The following EXOC4 variants were observed in gnomAD, a reference collection of about 807,000 sequenced individuals.
The protein encoded by EXOC4 is exocyst complex component 4.
EXOC4 carries 71 observed loss-of-function variants against 107.2 expected under a neutral mutation model. That is an observed-to-expected ratio of 0.66 (90% CI 0.55 to 0.81). EXOC4 has a LOEUF of 0.81. Ranked by LOEUF, EXOC4 falls within the 30% of genes least tolerant of loss-of-function variation. The probability of loss-of-function intolerance (pLI) is 0.00; values close to 1 mark genes in which losing one functional copy is unlikely to be tolerated. For synonymous variants in EXOC4, 456 were observed against 441.2 expected (o/e 1.03, Z -0.42); for missense variants, 1,108 against 1,189.6 (o/e 0.93, Z 1.01).
At chr7:133,630,351 T>A (rs1802560604) in intron 10 of EXOC4, among the ~76,000 whole-genome samples, 1 of 152,118 alleles carries the variant, frequency 6.6e-6, no homozygotes, top group Admixed American at 6.6e-5. Context: ...AATACTTTTA[T>A]TTGATTTTCT....
At chr7:134,081,886 T>C in the EXOC4 span, among the ~76,000 whole-genome samples, 3 of 152,166 alleles carry the variant, frequency 2.0e-5, no homozygotes. Flanking sequence ...GACTTTGAGC[T>C]GAAAGAATAG....
At chr7:133,324,546 C>A (rs1180322780) in intron 5 of EXOC4, among the ~76,000 whole-genome samples, 4 of 152,274 alleles carry the variant, frequency 2.6e-5, no homozygotes, top group African/African-American at 9.6e-5. Context: ...ATCCTGAGTT[C>A]TAATTCGATT....
rs111835792 is a variant in EXOC4 at position 133,431,253 on chromosome 7, G to C, written c.1183-44075G>C. On this transcript the variant is annotated intron_variant, in intron 7 of 17. Coordinates refer to ENST00000253861, the MANE Select transcript of EXOC4 (RefSeq NM_021807.4). ...GACAGTTTTATAGCTGTGCTTTGGG[G>C]GTTTATTGACATTTAATGAGTGTTT... Among the ~76,000 whole-genome samples, 252 of 152,208 alleles carry C rather than the reference G, an allele frequency of 1.7e-3. 1 individual carries two copies. The highest frequency in any genetic ancestry group is 5.9e-3 in the African/African-American group (244 of 41,508).
intron 10 of EXOC4, among the ~76,000 whole-genome samples, chr7:133,653,804 A>G (rs1043433117): frequency 6.6e-6 from 1 of 152,168 alleles, no homozygotes; most frequent in Non-Finnish European, 1.5e-5. Flanking sequence ...AATTAGAGAT[A>G]TTGAGAATGG....
At chr7:133,342,971 G>C (rs185212992) in intron 5 of EXOC4, among the ~76,000 whole-genome samples, 2 of 152,104 alleles carry the variant, frequency 1.3e-5, no homozygotes, top group East Asian at 3.9e-4. Context: ...ACCTTTTGCT[G>C]GTGCCTCCTT....
chr7:133,617,979 A>G (rs1483474768), intron 9 of EXOC4, among the ~76,000 whole-genome samples: 3 of 152,308 alleles, frequency 2.0e-5, no homozygotes, highest in Admixed American at 2.0e-4. Flanking sequence ...ATGAGAGTAT[A>G]AAACATGCAA....
intron 5 of EXOC4, among the ~76,000 whole-genome samples, chr7:133,328,734 T>A (rs1795308537): frequency 6.6e-6 from 1 of 152,232 alleles, no homozygotes; most frequent in Non-Finnish European, 1.5e-5. Flanking sequence ...TCTTTAAGAA[T>A]GTTGAATATT....
chr7:133,600,332 A>G (rs923593813), intron 9 of EXOC4, among the ~76,000 whole-genome samples: 7 of 152,200 alleles, frequency 4.6e-5, no homozygotes, highest in Admixed American at 6.5e-5. Context: ...TGGTTGCTTC[A>G]GTAATATTTG....
chr7:133,991,777 TTTCTGGGTTCTCTA>T (rs1439892554), intron 14 of EXOC4, among the ~76,000 whole-genome samples: 5 of 152,224 alleles, frequency 3.3e-5, no homozygotes, highest in African/African-American at 4.8e-5. Context: ...TGTGAGTTTA[TTTCTGGGTTCTCTA>T]TTCTGTTCCA....
At chr7:133,525,131 G>A (rs150263998) in intron 9 of EXOC4, among the ~76,000 whole-genome samples, 3 of 152,116 alleles carry the variant, frequency 2.0e-5, no homozygotes, top group Non-Finnish European at 4.4e-5. Flanking sequence ...GCTTCATAGT[G>A]TCCCTTCTGG....
At chr7:133,928,618 C>T (rs372646972) in intron 13 of EXOC4, among the ~76,000 whole-genome samples, 53 of 152,278 alleles carry the variant, frequency 3.5e-4, no homozygotes, top group Middle Eastern at 3.4e-3. Flanking sequence ...CCACGCTGCA[C>T]CCTCCTCCCC....
At chr7:134,059,070 G>T (rs1275921859) in intron 17 of EXOC4, among the ~76,000 whole-genome samples, 1 of 152,112 alleles carries the variant, frequency 6.6e-6, no homozygotes, top group Non-Finnish European at 1.5e-5. Flanking sequence ...ACCAAGTAAA[G>T]GAAGGCAAAA....
At chr7:133,584,799 G>A (rs985712729) in intron 9 of EXOC4, among the ~76,000 whole-genome samples, 5 of 151,844 alleles carry the variant, frequency 3.3e-5, no homozygotes, top group Non-Finnish European at 5.9e-5. Context: ...GGCTGGTCTC[G>A]AACTCCTGAC....
At chr7:133,511,738 C>T (rs1233523134) in intron 9 of EXOC4, among the ~76,000 whole-genome samples, 1 of 151,960 alleles carries the variant, frequency 6.6e-6, no homozygotes, top group Non-Finnish European at 1.5e-5. Context: ...GTGAAATCCT[C>T]CCTCCCCTCC....
rs190046037 is a variant in EXOC4, at chr7:133,997,798, C to T, written c.2348+165C>T. Among the ~76,000 whole-genome samples the T allele has an allele frequency of 2.1e-4, 32 of 152,184 alleles. No homozygotes were observed. In the South Asian group the frequency reaches 3.1e-3, roughly 15 times the overall value. ...TAGCTGTATTCAGTGATTATTTGAG[C>T]GCACAGTGTATTGTGAGTGTGGTGA... On this transcript the variant is annotated intron_variant, in intron 15 of 17. Transcript: ENST00000253861.
At chr7:133,653,167 T>C (rs1304630674) in intron 10 of EXOC4, among the ~76,000 whole-genome samples, 1 of 152,180 alleles carries the variant, frequency 6.6e-6, no homozygotes, top group Admixed American at 6.5e-5. Flanking sequence ...ATGGTGGGCC[T>C]GGGGGTGTCT....
chr7:133,608,021 T>C (rs1453947801), intron 9 of EXOC4, among the ~76,000 whole-genome samples: 1 of 152,228 alleles, frequency 6.6e-6, no homozygotes, highest in Non-Finnish European at 1.5e-5. Context: ...AAATTTTCTT[T>C]TGAAATTTTG....
rs533104653 is a variant in EXOC4 at position 133,937,836 on chromosome 7, G to C, written c.2028-55G>C. The C allele has an allele frequency of 3.9e-5, 61 of 1,570,166 alleles. No individual in the cohort carries two copies. In the African/African-American group the frequency reaches 5.4e-4, roughly 14 times the overall value. On this transcript the variant is annotated intron_variant, in intron 13 of 17. Transcript: ENST00000253861. ...AGGTGTGCCTAAAACAGTGTTGCCCGGTCCTACCTTTTCCATGCTGTATAT... is the reference window on the plus strand; with the variant it reads ...AGGTGTGCCTAAAACAGTGTTGCCCCGTCCTACCTTTTCCATGCTGTATAT...
At chr7:133,532,813 G>A (rs902911367) in intron 9 of EXOC4, among the ~76,000 whole-genome samples, 1 of 152,030 alleles carries the variant, frequency 6.6e-6, no homozygotes, top group Admixed American at 6.6e-5. Flanking sequence ...TTTTGAGGAG[G>A]AATTCTAATA....
Sources: allele counts gnomAD v4.1 joint callset (sites outside exome capture counted in the v4.1 genomes callset), GRCh38; gene constraint gnomAD v4.1.1; transcripts MANE v1.5; gene names NCBI Gene and HGNC (gene_info 2026-07-23, HGNC 2026-07-21).